GRM7: variants seen among roughly 807,000 people sequenced by gnomAD.
The protein encoded by GRM7 is glutamate metabotropic receptor 7, also known as metabotropic glutamate receptor 7.
A neutral mutation model predicts 84.5 loss-of-function variants in GRM7; 35 were observed. The ratio of observed to expected loss-of-function variants is 0.41; its 90% CI spans 0.32 to 0.55. The LOEUF (loss-of-function observed/expected upper bound fraction) is 0.55. Ranked by LOEUF, GRM7 falls within the 20% of genes least tolerant of loss-of-function variation. GRM7 has a pLI of 0.19. For synonymous variants in GRM7, 487 were observed against 455.1 expected, an observed-to-expected ratio of 1.07 and a Z score of -0.89; for missense variants, 1,003 against 1,194.6, an observed-to-expected ratio of 0.84 and a Z score of 2.36.
At chr3:7,542,917 C>A (rs1428384524) in intron 7 of GRM7, among the ~76,000 whole-genome samples, 10 of 152,258 alleles carry the variant, frequency 6.6e-5, no homozygotes, top group African/African-American at 2.4e-4. Flanking sequence ...GACTTGCGTA[C>A]TTTCTGCTCT....
intron 2 of GRM7, among the ~76,000 whole-genome samples, chr3:7,276,203 A>G (rs66901528): frequency 0.18 from 22,543 of 124,078 alleles, 2,384 homozygotes; most frequent in Admixed American, 0.23. Context: ...ATATATATAT[A>G]TATATGTGTG....
chr3:7,544,710 C>T (rs1052478437), intron 7 of GRM7, among the ~76,000 whole-genome samples: 1 of 152,186 alleles, frequency 6.6e-6, no homozygotes, highest in African/African-American at 2.4e-5. Flanking sequence ...TATGTTGTCT[C>T]TTTCCTCCTT....
intron 1 of GRM7, among the ~76,000 whole-genome samples, chr3:7,109,018 C>A (rs937701148): frequency 6.6e-6 from 1 of 151,858 alleles, no homozygotes; most frequent in African/African-American, 2.4e-5. Context: ...AAAATTCTTT[C>A]GGGATGGAGT....
intron 5 of GRM7, among the ~76,000 whole-genome samples, chr3:7,447,068 G>A (rs1343883441): frequency 6.6e-6 from 1 of 152,104 alleles, no homozygotes; most frequent in Non-Finnish European, 1.5e-5. Flanking sequence ...AAGTAATAAT[G>A]AGAAGAAAAT....
chr3:7,161,419 C>A (rs1394837518), intron 2 of GRM7, among the ~76,000 whole-genome samples: 1 of 97,910 alleles, frequency 1.0e-5, no homozygotes, highest in African/African-American at 7.3e-5. Context: ...TTTGTAATGA[C>A]CTGAAAAAAA....
chr3:7,354,928 G>A (rs898856613), intron 4 of GRM7, among the ~76,000 whole-genome samples: 1 of 152,156 alleles, frequency 6.6e-6, no homozygotes, highest in Non-Finnish European at 1.5e-5. Flanking sequence ...CAACTCTTCA[G>A]CTCTCTGTCA....
At chr3:6,891,844 A>G (rs555597553) in intron 1 of GRM7, among the ~76,000 whole-genome samples, 2 of 152,202 alleles carry the variant, frequency 1.3e-5, no homozygotes, top group East Asian at 3.9e-4. Flanking sequence ...ACTTGGTTCT[A>G]TTCTCCCCGT....
At chr3:7,435,330 G>A (rs1379298396) in intron 5 of GRM7, among the ~76,000 whole-genome samples, 7 of 151,618 alleles carry the variant, frequency 4.6e-5, no homozygotes, top group Admixed American at 3.3e-4. Context: ...CCCCTGGGTA[G>A]TTTTTTTATA....
chr3:6,984,393 C>T (rs1020964015), intron 1 of GRM7, among the ~76,000 whole-genome samples: 1 of 152,156 alleles, frequency 6.6e-6, no homozygotes, highest in African/African-American at 2.4e-5. Flanking sequence ...CTTTTGAAAG[C>T]TGATGCATTA....
At position 7,711,540 on chromosome 3, in the gene GRM7, G is replaced by A. The variant is rs529781199; in HGVS notation, c.2699-28817G>A. Among the ~76,000 whole-genome samples the A allele has an allele frequency of 3.3e-5, 5 of 152,168 alleles. No homozygotes were observed. The South Asian group carries it at 1.0e-3, about 31-fold the overall frequency. On this transcript the variant is annotated intron_variant, in intron 9 of 9. Coordinates refer to ENST00000357716, the MANE Select transcript of GRM7 (RefSeq NM_000844.4). ...TTCAAAGATTAAAGGGAAGCCATTGGAGTCTCGTAATCAAGACTGTAACAT... is the reference window on the plus strand; with the variant it reads ...TTCAAAGATTAAAGGGAAGCCATTGAAGTCTCGTAATCAAGACTGTAACAT...
At chr3:6,874,735 T>TCA (rs1695241290) in intron 1 of GRM7, among the ~76,000 whole-genome samples, 1 of 152,108 alleles carries the variant, frequency 6.6e-6, no homozygotes, top group Admixed American at 6.5e-5. Context: ...CCTGTGAGAG[T>TCA]AGAGAAGCTT....
chr3:7,403,622 G>GATATATATATATATATATATATAT (rs59465377), intron 4 of GRM7, among the ~76,000 whole-genome samples: 2 of 126,952 alleles, frequency 1.6e-5, no homozygotes, highest in African/African-American at 5.6e-5. Flanking sequence ...GAGTAATTCT[G>GATATATATATATATATATATATAT]ATATATATAT....
intron 7 of GRM7, among the ~76,000 whole-genome samples, chr3:7,470,222 A>G (rs1274303859): frequency 1.3e-5 from 2 of 152,204 alleles, no homozygotes; most frequent in African/African-American, 2.4e-5. Context: ...ATTAGTTTCA[A>G]TGTATGCTTA....
intron 7 of GRM7, among the ~76,000 whole-genome samples, chr3:7,573,115 C>T (rs1694788323): frequency 6.6e-6 from 1 of 151,474 alleles, no homozygotes; most frequent in Non-Finnish European, 1.5e-5. Context: ...AGCTCCTCTA[C>T]CTCACCCCTC....
chr3:7,597,171 A>G (rs1435108722), intron 8 of GRM7, among the ~76,000 whole-genome samples: 2 of 152,096 alleles, frequency 1.3e-5, no homozygotes. Context: ...GTTTTCAATC[A>G]CAGTGGAAGA....
At chr3:7,292,714 T>A (rs1699673796) in intron 2 of GRM7, among the ~76,000 whole-genome samples, 1 of 147,282 alleles carries the variant, frequency 6.8e-6, no homozygotes, top group South Asian at 2.2e-4. Flanking sequence ...CATATATTAT[T>A]TCTTTTTTTT....
chr3:7,464,590 G>A (rs1054590458), intron 7 of GRM7, among the ~76,000 whole-genome samples: 2 of 151,934 alleles, frequency 1.3e-5, no homozygotes. Flanking sequence ...CAGCACTTTG[G>A]GAGGCTGAGG....
chr3:7,366,192 C>G (rs1342242730), intron 4 of GRM7, among the ~76,000 whole-genome samples: 5 of 151,732 alleles, frequency 3.3e-5, no homozygotes, highest in Admixed American at 1.3e-4. Context: ...AACAGCCAAC[C>G]CTCATGTGTA....
chr3:7,035,066 G>A (rs1244293777), intron 1 of GRM7, among the ~76,000 whole-genome samples: 2 of 152,120 alleles, frequency 1.3e-5, no homozygotes, highest in Non-Finnish European at 2.9e-5. Context: ...GCAGGTGGAG[G>A]TATACATCTT....
Sources: allele counts gnomAD v4.1 joint callset (sites outside exome capture counted in the v4.1 genomes callset), GRCh38; gene constraint gnomAD v4.1.1; transcripts MANE v1.5; gene names NCBI Gene and HGNC (gene_info 2026-07-23, HGNC 2026-07-21).